The following PCGF5 variants were observed in gnomAD, a reference collection of about 807,000 sequenced individuals.
The protein encoded by PCGF5 is polycomb group ring finger 5.
A neutral mutation model predicts 44.3 loss-of-function variants in PCGF5; 9 were observed. The ratio of observed to expected loss-of-function variants is 0.20; its 90% CI spans 0.12 to 0.35. PCGF5 has a LOEUF of 0.35. Among genes scored for constraint, PCGF5 ranks in the 10% least tolerant of loss-of-function variants. The probability of loss-of-function intolerance (pLI) is 1.00; values close to 1 mark genes in which losing one functional copy is unlikely to be tolerated. For missense variants in PCGF5, 146 were observed against 305.3 expected, an observed-to-expected ratio of 0.48 and a Z score of 3.89; for synonymous variants, 95 against 102.5, an observed-to-expected ratio of 0.93 and a Z score of 0.44.
At chr10:91,185,189 G>A (rs1344967195) in intron 1 of PCGF5, among the ~76,000 whole-genome samples, 7 of 150,478 alleles carry the variant, frequency 4.7e-5, no homozygotes, top group Non-Finnish European at 4.4e-5. Flanking sequence ...TTAAATCTCT[G>A]TCAGCCAGAA....
intron 8 of PCGF5, among the ~76,000 whole-genome samples, chr10:91,265,044 C>CTAA (rs1846016677): frequency 6.6e-6 from 1 of 151,990 alleles, no homozygotes; most frequent in South Asian, 2.1e-4. Context: ...ATTATTGTGC[C>CTAA]TTAGGCCCTA....
rs531654926 is a variant in PCGF5, at chr10:91,240,424, T to C, written c.113-60T>C. 212 of 1,102,050 alleles carry C rather than the reference T, an allele frequency of 1.9e-4. No individual in the cohort carries two copies. The African/African-American group carries it at 3.0e-3, about 16-fold the overall frequency. The allele number at this position is 1,102,050 out of a possible 1,614,324, so 68.3% of individuals were successfully genotyped here. ...AAGGTCTGTTTCTAATTACACTTAGTTTAACATTAAATGAGCGTTCATATG... is the reference window on the plus strand; with the variant it reads ...AAGGTCTGTTTCTAATTACACTTAGCTTAACATTAAATGAGCGTTCATATG... On this transcript the variant is annotated intron_variant, in intron 2 of 9. Coordinates refer to ENST00000336126, the MANE Select transcript of PCGF5 (RefSeq NM_032373.5).
chr10:91,249,826 A>T (rs1845580772), intron 5 of PCGF5, among the ~76,000 whole-genome samples: 1 of 152,064 alleles, frequency 6.6e-6, no homozygotes, highest in African/African-American at 2.4e-5. Flanking sequence ...GGCCAAAAAA[A>T]TAACTAGGGC....
At chr10:91,179,927 T>A (rs1253894327) in intron 1 of PCGF5, among the ~76,000 whole-genome samples, 1 of 152,258 alleles carries the variant, frequency 6.6e-6, no homozygotes, top group African/African-American at 2.4e-5. Context: ...ATCGCCATAC[T>A]GTTTTCCATG....
At chr10:91,227,392 C>T (rs771714551) in intron 2 of PCGF5, 46 of 1,287,490 alleles carry the variant, frequency 3.6e-5, no homozygotes, top group Non-Finnish European at 4.7e-5. Context: ...TGAAACTCAG[C>T]ATATCTACGA....
intron 1 of PCGF5, among the ~76,000 whole-genome samples, chr10:91,199,105 T>C (rs1844198270): frequency 1.3e-5 from 2 of 152,254 alleles, no homozygotes; most frequent in African/African-American, 4.8e-5. Context: ...TTTTTTCTTC[T>C]GTGTCTCTAC....
intron 1 of PCGF5, among the ~76,000 whole-genome samples, chr10:91,172,241 G>C (rs1436119278): frequency 6.6e-6 from 1 of 152,000 alleles, no homozygotes; most frequent in Non-Finnish European, 1.5e-5. Flanking sequence ...CCTGGCCAAC[G>C]TGATGAAACC....
chr10:91,178,364 A>G (rs1044703526), intron 1 of PCGF5, among the ~76,000 whole-genome samples: 11 of 151,242 alleles, frequency 7.3e-5, no homozygotes, highest in African/African-American at 2.7e-4. Context: ...GAGGCAGGGT[A>G]TTGCTGTTTC....
chr10:91,179,899 T>C (rs187147364), intron 1 of PCGF5, among the ~76,000 whole-genome samples: 231 of 152,282 alleles, frequency 1.5e-3, no homozygotes, highest in African/African-American at 5.4e-3. Context: ...GGTATTTCTA[T>C]CTTTAGGTAT....
chr10:91,269,676 GA>G (rs1328969132), intron 8 of PCGF5, among the ~76,000 whole-genome samples: 1 of 152,128 alleles, frequency 6.6e-6, no homozygotes, highest in Non-Finnish European at 1.5e-5. Context: ...ATTGTCCTCT[GA>G]AAAGGTTTTA....
In PCGF5 at chr10:91,271,823, C is replaced by A. The variant is rs80136010; in HGVS notation, c.723+126C>A. The stretch of plus-strand genomic sequence containing the variant: ...TGTTACTGGAGCTACAAAAACTTAT[C>A]TTTTCAACTTATATACCCAAGATTT... On this transcript the variant is annotated intron_variant, in intron 9 of 9. Coordinates refer to ENST00000336126, the MANE Select transcript of PCGF5 (RefSeq NM_032373.5). 6,253 of 707,690 alleles carry A rather than the reference C, an allele frequency of 8.8e-3. 43 individuals are homozygous for A. The highest frequency in any genetic ancestry group is 0.011 in the Non-Finnish European group (4,671 of 424,476). 43.8% of individuals were successfully genotyped at this position (707,690 alleles called of 1,614,324 possible).
upstream of PCGF5, among the ~76,000 whole-genome samples, chr10:91,216,813 A>C (rs6583759): frequency 0.16 from 24,615 of 152,162 alleles, 3,944 homozygotes; most frequent in African/African-American, 0.41. Flanking sequence ...TACCATTCAT[A>C]CATCATTGAT....
chr10:91,201,522 TA>T (rs894756947), intron 1 of PCGF5, among the ~76,000 whole-genome samples: 1 of 151,840 alleles, frequency 6.6e-6, no homozygotes, highest in African/African-American at 2.4e-5. Flanking sequence ...GCCCAATGTG[TA>T]AAAAAAATAC....
At chr10:91,227,852 T>A in intron 2 of PCGF5, 1 of 980,890 alleles carries the variant, frequency 1.0e-6, no homozygotes. Flanking sequence ...AGCTAGCAGT[T>A]ACCCATCCTT....
At chr10:91,275,686 C>T (rs1473896844) in intron 9 of PCGF5, among the ~76,000 whole-genome samples, 2 of 151,390 alleles carry the variant, frequency 1.3e-5, no homozygotes, top group African/African-American at 2.4e-5. Context: ...ATCTCTTGAC[C>T]TCGTGATCTG....
chr10:91,166,625 G>C (rs1843505844), intron 1 of PCGF5, among the ~76,000 whole-genome samples: 1 of 152,152 alleles, frequency 6.6e-6, no homozygotes, highest in African/African-American at 2.4e-5. Flanking sequence ...ACAGGAGACA[G>C]GAGTCAGGAC....
chr10:91,257,578 A>G (rs1390101323), intron 6 of PCGF5, among the ~76,000 whole-genome samples: 2 of 152,092 alleles, frequency 1.3e-5, no homozygotes, highest in African/African-American at 4.8e-5. Flanking sequence ...CTAAGTCACT[A>G]ATGGACAGGT....
At chr10:91,263,122 T>A (rs1303459372) in intron 7 of PCGF5, among the ~76,000 whole-genome samples, 1 of 152,168 alleles carries the variant, frequency 6.6e-6, no homozygotes, top group Non-Finnish European at 1.5e-5. Flanking sequence ...GTTCCCCCCT[T>A]ATTTTGCTGC....
chr10:91,168,929 G>GAAAAAAAAAAAAAA (rs57345364), intron 1 of PCGF5, among the ~76,000 whole-genome samples: 1 of 56,164 alleles, frequency 1.8e-5, no homozygotes, highest in African/African-American at 7.2e-5. Context: ...CTCCGTCTCA[G>GAAAAAAAAAAAAAA]AAAAAAAAAA....
Sources: allele counts gnomAD v4.1 joint callset (sites outside exome capture counted in the v4.1 genomes callset), GRCh38; gene constraint gnomAD v4.1.1; transcripts MANE v1.5; gene names NCBI Gene and HGNC (gene_info 2026-07-23, HGNC 2026-07-21).